Variants in ANKFY1 observed in about 807,000 individuals in gnomAD.
ANKFY1 encodes ankyrin repeat and FYVE domain containing 1.
ANKFY1 carries 47 observed loss-of-function variants against 128.3 expected under a neutral mutation model. The observed-to-expected ratio is 0.37, with a 90% CI of 0.29 to 0.47. The LOEUF is 0.47. ANKFY1 is among the 20% of genes least tolerant of loss of function. The pLI, the probability that ANKFY1 is intolerant of heterozygous loss-of-function variation, is 1.00. For synonymous variants in ANKFY1, 553 were observed against 601.6 expected (o/e 0.92, Z 1.18); for missense variants, 1,222 against 1,510.6 (o/e 0.81, Z 3.17).
chr17:4,259,293 T>C (rs903827955), intron 1 of ANKFY1, among the ~76,000 whole-genome samples: 9 of 152,200 alleles, frequency 5.9e-5, no homozygotes, highest in African/African-American at 1.9e-4. Flanking sequence ...TATTTTATTA[T>C]TATTATTTTT....
At chr17:4,223,758 G>C (rs1288022696) in intron 3 of ANKFY1, 1 of 1,563,486 alleles carries the variant, frequency 6.4e-7, no homozygotes, top group African/African-American at 1.4e-5. Context: ...TTAGATCCGG[G>C]GGAGAGGCCC....
At chr17:4,176,988 G>C (rs1315616525) in intron 19 of ANKFY1, 138 bp downstream of exon 19, 13 of 901,472 alleles carry the variant, frequency 1.4e-5, no homozygotes, top group Non-Finnish European at 1.8e-5. Context: ...CCAGTTTCCT[G>C]AGTGCACCAG....
intron 11 of ANKFY1, chr17:4,187,218 C>T (rs2059628263): frequency 7.4e-6 from 3 of 403,374 alleles, no homozygotes; most frequent in Non-Finnish European, 1.3e-5. Flanking sequence ...GTTTTAACAG[C>T]TCTCTTGCCC....
chr17:4,183,625 C>T lies in ANKFY1; in HGVS notation c.1799-74G>A, dbSNP rs959140882. On this transcript the variant is annotated intron_variant, in intron 13 of 24. Coordinates refer to ENST00000341657, the MANE Select transcript of ANKFY1 (RefSeq NM_001330063.2). ...TCAACATCTTACTACAACAGCCAGA[C>T]CCTCTCAGCTTCTCAAAGCCAGCAG... 4.5e-6 allele frequency: 7 copies of T among 1,571,070 alleles called. No homozygotes were observed. In the Admixed American group the frequency reaches 6.9e-5, roughly 16 times the overall value.
intron 1 of ANKFY1, among the ~76,000 whole-genome samples, chr17:4,247,201 A>T (rs746580571): frequency 1.3e-5 from 2 of 152,062 alleles, no homozygotes; most frequent in Non-Finnish European, 2.9e-5. Flanking sequence ...AATGGAGGAG[A>T]TCCTGAAAGC....
chr17:4,232,896 C>T (rs1050683733), intron 3 of ANKFY1, among the ~76,000 whole-genome samples: 2 of 152,050 alleles, frequency 1.3e-5, no homozygotes, highest in African/African-American at 4.8e-5. Context: ...GTTTTTGCCA[C>T]TCTCATTCAT....
chr17:4,249,087 T>C, intron 1 of ANKFY1: 3 of 979,804 alleles, frequency 3.1e-6, no homozygotes, highest in Non-Finnish European at 3.6e-6. Context: ...ATCAGCAAAT[T>C]ACCTCTTCAG....
At chr17:4,185,151 G>A (rs562385782) in intron 11 of ANKFY1, 105 bp from the exon 12 acceptor site, 14 of 929,160 alleles carry the variant, frequency 1.5e-5, no homozygotes, top group Non-Finnish European at 2.0e-5. Context: ...TCATCCTGCC[G>A]CCAGCTGCCC....
chr17:4,205,925 A>C (rs1247814653), intron 7 of ANKFY1, among the ~76,000 whole-genome samples: 1 of 152,254 alleles, frequency 6.6e-6, no homozygotes, highest in Non-Finnish European at 1.5e-5. Context: ...GAAGCTAAGA[A>C]CACGTTTCAA....
intron 2 of ANKFY1, among the ~76,000 whole-genome samples, chr17:4,238,152 T>TG (rs1967004319): frequency 1.1e-5 from 1 of 92,670 alleles, no homozygotes; most frequent in African/African-American, 4.0e-5. Flanking sequence ...CTTATTTATT[T>TG]AAAAAAAAAA....
In ANKFY1 at chr17:4,230,175, T is replaced by C. The variant is rs775211534; in HGVS notation, c.322+5597A>G. On this transcript the variant is annotated intron_variant, in intron 3 of 24. Coordinates refer to ENST00000341657, the MANE Select transcript of ANKFY1 (RefSeq NM_001330063.2). The stretch of plus-strand genomic sequence containing the variant: ...TCCCCGAGTACACAGTTTGGGAAAC[T>C]ATGCCCTTTCCACTGCAGAGTGCAA... Among the ~76,000 whole-genome samples, 12 of 152,218 alleles carry C rather than the reference T, an allele frequency of 7.9e-5. 1 individual carries two copies. The highest frequency in any genetic ancestry group is 4.8e-5 in the African/African-American group (2 of 41,466).
chr17:4,180,001 G>T, intron 16 of ANKFY1, 124 bp from the exon 17 acceptor site: 2 of 1,227,486 alleles, frequency 1.6e-6, no homozygotes, highest in Non-Finnish European at 1.1e-6. Context: ...CGGGTCTGCT[G>T]TCCTTGGTCC....
chr17:4,233,833 G>A (rs765582860), intron 3 of ANKFY1, among the ~76,000 whole-genome samples: 11 of 152,184 alleles, frequency 7.2e-5, no homozygotes, highest in East Asian at 1.9e-4. Flanking sequence ...TCATCTCAGT[G>A]TTCCTGGCAC....
chr17:4,251,089 C>T (rs551942010), intron 1 of ANKFY1, among the ~76,000 whole-genome samples: 1 of 152,254 alleles, frequency 6.6e-6, no homozygotes, highest in South Asian at 2.1e-4. Flanking sequence ...GATAGATATC[C>T]AGAGCAATGG....
intron 1 of ANKFY1, 107 bp from the exon 2 acceptor site, chr17:4,242,555 T>G (rs1967300431): frequency 1.0e-6 from 1 of 970,640 alleles, no homozygotes; most frequent in Non-Finnish European, 1.5e-6. Flanking sequence ...GACTGGCCAC[T>G]TGACCGTTCC....
chr17:4,253,206 G>A (rs1390262772), intron 1 of ANKFY1, among the ~76,000 whole-genome samples: 1 of 152,118 alleles, frequency 6.6e-6, no homozygotes, highest in Non-Finnish European at 1.5e-5. Context: ...GGGCGACAGA[G>A]CCAGACTCCA....
Position 4,189,453 on chromosome 17 carries a change from C to G in ANKFY1, c.1399G>C (p.Gly467Arg), listed in dbSNP as rs1465433420. 4 of 1,588,578 alleles carry G rather than the reference C, an allele frequency of 2.5e-6. 1 individual carries two copies. The South Asian group carries it at 4.6e-5, about 18-fold the overall frequency. Residue 467 changes from glycine to arginine, a missense_variant, in exon 11 of 25, where the codon GGA becomes CGA. Physicochemically the swap from Gly to Arg is moderately radical, Grantham distance 125. Transcript: ENST00000341657. Reference sequence around the variant, plus strand: ...AGAGCTGCTGCCTCGTTTCCTGCTCCAGCTGCCCGCTGTAGTAAACAGTTT... The same window carrying G: ...AGAGCTGCTGCCTCGTTTCCTGCTCGAGCTGCCCGCTGTAGTAAACAGTTT... Reference protein sequence around the residue: ...TGNCLLQRAAGAGNEAAALFL... With the variant: ...TGNCLLQRAARAGNEAAALFL...
chr17:4,175,445 C>T (rs765994320), intron 19 of ANKFY1, among the ~76,000 whole-genome samples: 4 of 152,144 alleles, frequency 2.6e-5, no homozygotes, highest in African/African-American at 7.2e-5. Flanking sequence ...ATTTGAAGTT[C>T]GTCATCCTCT....
Position 4,195,194 on chromosome 17 carries a change from G to A in ANKFY1, c.1173-17C>T, listed in dbSNP as rs2059794928. On this transcript the variant is annotated splice_polypyrimidine_tract_variant and intron_variant, in intron 9 of 24. Transcript: ENST00000341657. ...AAATCTAGTCTGAAAAGCAGAAGCA[G>A]TGTCAACAGCACATACAATCTTTTT... is the stretch of plus-strand genomic sequence containing the variant. The A allele has an allele frequency of 6.3e-7, 1 of 1,593,064 alleles. No homozygotes were observed. Among genetic ancestry groups the A allele is most frequent in the Non-Finnish European group, 8.6e-7 (1 of 1,166,492 alleles).
Sources: gnomAD v4.1 joint callset for allele counts (sites outside exome capture counted in the v4.1 genomes callset) on GRCh38, gnomAD v4.1.1 for gene constraint, MANE v1.5 for transcripts, NCBI Gene and HGNC (gene_info 2026-07-23, HGNC 2026-07-21) for gene names.